P3H2: variants seen among roughly 807,000 people sequenced by gnomAD.
P3H2 encodes the protein leprecan-like 1.
P3H2 carries 80 observed loss-of-function variants against 87.0 expected under a neutral mutation model. That is an observed-to-expected ratio of 0.92 (90% CI 0.77 to 1.11). The LOEUF (loss-of-function observed/expected upper bound fraction) is 1.11. P3H2 is among the 50% of genes least tolerant of loss of function. The pLI is 0.00. For synonymous variants in P3H2, 367 were observed against 359.3 expected (o/e 1.02, Z -0.24); for missense variants, 1,001 against 923.9 (o/e 1.08, Z -1.08).
At chr3:190,111,581 A>G (rs1712072368) in intron 1 of P3H2, among the ~76,000 whole-genome samples, 1 of 152,186 alleles carries the variant, frequency 6.6e-6, no homozygotes, top group African/African-American at 2.4e-5. Flanking sequence ...AATATACTAT[A>G]TATAGAAATG....
At chr3:190,087,305 G>T (rs574786095) in intron 1 of P3H2, among the ~76,000 whole-genome samples, 33 of 152,062 alleles carry the variant, frequency 2.2e-4, no homozygotes, top group Non-Finnish European at 4.0e-4. Flanking sequence ...GGGAGGCCGA[G>T]GAGGGCAAAT....
intron 1 of P3H2, among the ~76,000 whole-genome samples, chr3:190,043,431 T>C (rs76643607): frequency 6.6e-6 from 1 of 152,004 alleles, no homozygotes; most frequent in Admixed American, 6.5e-5. Context: ...ACTCTCAGCT[T>C]CTTCTTATTC....
At chr3:190,012,996 G>A (rs1443095613) in intron 1 of P3H2, among the ~76,000 whole-genome samples, 5 of 152,214 alleles carry the variant, frequency 3.3e-5, no homozygotes, top group Admixed American at 2.6e-4. Context: ...ACTCTTCTTG[G>A]CACACCTTGG....
Position 189,995,461 on chromosome 3 carries a change from G to T in P3H2, c.481-19C>A. ...GGTTAAGCTAAAGAGAAAAAAAAAT[G>T]ACCAAAATGAAGGCAAATATTTCCA... On this transcript the variant is annotated intron_variant, in intron 1 of 14. Coordinates refer to ENST00000319332, the MANE Select transcript of P3H2 (RefSeq NM_018192.4). The T allele has an allele frequency of 6.2e-7, 1 of 1,608,676 alleles. No homozygotes were observed. Among genetic ancestry groups the T allele is most frequent in the Non-Finnish European group, 8.5e-7 (1 of 1,178,402 alleles).
At chr3:190,057,368 G>A (rs1726191980) in intron 1 of P3H2, among the ~76,000 whole-genome samples, 1 of 152,164 alleles carries the variant, frequency 6.6e-6, no homozygotes, top group African/African-American at 2.4e-5. Flanking sequence ...TGTGTTAGGA[G>A]TAAGAACCAT....
At chr3:190,098,587 A>G (rs1408870277) in intron 1 of P3H2, among the ~76,000 whole-genome samples, 6 of 152,206 alleles carry the variant, frequency 3.9e-5, no homozygotes. Flanking sequence ...AATCCTCGCA[A>G]TGCCACTGTC....
intron 1 of P3H2, among the ~76,000 whole-genome samples, chr3:190,075,538 C>T (rs140126958): frequency 2.0e-5 from 3 of 150,902 alleles, no homozygotes; most frequent in Non-Finnish European, 4.4e-5. Flanking sequence ...AAAAAGTGCA[C>T]CAAGACAGAT....
chr3:189,959,218 C>CCT (rs1722731865), intron 14 of P3H2, among the ~76,000 whole-genome samples: 1 of 97,144 alleles, frequency 1.0e-5, no homozygotes, highest in African/African-American at 3.7e-5. Context: ...AGTTGCTTTA[C>CCT]ACCTGTCTCT....
At chr3:190,035,151 A>C (rs1725380795) in intron 1 of P3H2, among the ~76,000 whole-genome samples, 1 of 151,814 alleles carries the variant, frequency 6.6e-6, no homozygotes, top group East Asian at 1.9e-4. Context: ...ATCTGCCCCC[A>C]AATGGCTATT....
rs755440868 is a variant in P3H2, at chr3:189,987,491, A to C, written c.1098+36T>G. The C allele has an allele frequency of 4.1e-5, 65 of 1,598,812 alleles. No homozygotes were observed. The South Asian group carries it at 7.3e-4, about 18-fold the overall frequency. ...CGAAACTCTGTCTTAAAAAAAAAAA[A>C]AAAAAAAGAATTTCTTTTCAAAACA... is the stretch of plus-strand genomic sequence containing the variant. On this transcript the variant is annotated intron_variant, in intron 5 of 14. Transcript: ENST00000319332.
At chr3:189,991,962 G>A (rs1348022764) in intron 3 of P3H2, among the ~76,000 whole-genome samples, 2 of 152,122 alleles carry the variant, frequency 1.3e-5, no homozygotes, top group Non-Finnish European at 1.5e-5. Context: ...GAGTTAGGAA[G>A]TGTTCAGTGC....
intron 3 of P3H2, among the ~76,000 whole-genome samples, chr3:189,992,363 T>C (rs1723905201): frequency 6.6e-6 from 1 of 152,184 alleles, no homozygotes; most frequent in Non-Finnish European, 1.5e-5. Context: ...CCCAAAGTGC[T>C]AGGATTACAG....
chr3:189,966,110 AAAGAAAGAAAG>A (rs1376722939), intron 13 of P3H2, among the ~76,000 whole-genome samples: 2,407 of 120,538 alleles, frequency 0.02, 27 homozygotes, highest in Non-Finnish European at 0.026. Flanking sequence ...AAGAAAAAAG[AAAGAAAGAAAG>A]AAAAAGAAAG....
chr3:190,083,782 C>A (rs1426220920), intron 1 of P3H2, among the ~76,000 whole-genome samples: 1 of 152,192 alleles, frequency 6.6e-6, no homozygotes, highest in Non-Finnish European at 1.5e-5. Context: ...GACCTGAGAG[C>A]CACTCTCGGC....
intron 1 of P3H2, among the ~76,000 whole-genome samples, chr3:190,004,302 G>T (rs1457153210): frequency 6.6e-6 from 1 of 152,178 alleles, no homozygotes; most frequent in Non-Finnish European, 1.5e-5. Context: ...AGCTAGATGA[G>T]CCCTTACCTC....
intron 1 of P3H2, among the ~76,000 whole-genome samples, chr3:190,005,022 TTTGTCAAAAATC>T (rs1724343948): frequency 6.9e-6 from 1 of 145,726 alleles, no homozygotes; most frequent in African/African-American, 2.8e-5. Context: ...TCACAAATCA[TTTGTCAAAAATC>T]ATATGTCACA....
Position 190,075,485 on chromosome 3 carries a change from C to CAA in P3H2, c.480+44765_480+44766dup, listed in dbSNP as rs58622114. Among the ~76,000 whole-genome samples, 966 of 118,950 alleles carry CAA rather than the reference C, an allele frequency of 8.1e-3. 5 individuals are homozygous for CAA. The highest frequency in any genetic ancestry group is 0.015 in the African/African-American group (512 of 33,334). The allele number at this position is 118,950 out of a possible 152,430, so 78.0% of individuals were successfully genotyped here. On this transcript the variant is annotated intron_variant, in intron 1 of 14. Coordinates refer to ENST00000319332, the MANE Select transcript of P3H2 (RefSeq NM_018192.4). ...GGGCAACAAGAGGGAAACTCCGTCT[C>CAA]AAAAAAAAAAAAGAAAAAAAGAAAG...
chr3:189,967,453 C>A (rs919402497), intron 13 of P3H2, among the ~76,000 whole-genome samples: 1 of 145,574 alleles, frequency 6.9e-6, no homozygotes, highest in Non-Finnish European at 1.5e-5. Context: ...CCAAATACGG[C>A]CACTAGATGG....
intron 1 of P3H2, among the ~76,000 whole-genome samples, chr3:190,062,013 C>T (rs1405572254): frequency 6.6e-6 from 1 of 152,030 alleles, no homozygotes; most frequent in Non-Finnish European, 1.5e-5. Flanking sequence ...TCTTTCTCCT[C>T]GAGGTCCTCC....
Sources: allele counts gnomAD v4.1 joint callset (sites outside exome capture counted in the v4.1 genomes callset), GRCh38; gene constraint gnomAD v4.1.1; transcripts MANE v1.5; gene names NCBI Gene and HGNC (gene_info 2026-07-23, HGNC 2026-07-21).